The following ADARB2 variants were observed in gnomAD, a reference collection of about 807,000 sequenced individuals.
The protein encoded by ADARB2 is adenosine deaminase RNA specific B2 (inactive).
Under a neutral mutation model 62.2 loss-of-function variants are expected in ADARB2, and 25 were observed. That is an observed-to-expected ratio of 0.40 (90% CI 0.29 to 0.56). The LOEUF is 0.56. ADARB2 is among the 20% of genes least tolerant of loss of function. ADARB2 has a pLI of 0.43. For synonymous variants in ADARB2, 572 were observed against 500.8 expected (o/e 1.14, Z -1.90); for missense variants, 1,071 against 1,077.4 (o/e 0.99, Z 0.08).
chr10:1,270,862 A>G, intron 4 of ADARB2, 93 bp downstream of exon 4: 4 of 1,082,406 alleles, frequency 3.7e-6, no homozygotes, highest in South Asian at 2.8e-5. Context: ...CCTGTTGTGG[A>G]AGAGAGAGCC....
chr10:1,362,751 AC>A (rs1005052060), intron 3 of ADARB2, among the ~76,000 whole-genome samples: 23 of 151,742 alleles, frequency 1.5e-4, no homozygotes, highest in Admixed American at 1.5e-3. Context: ...GGCACGGGGG[AC>A]CCGTCCCTCC....
intron 3 of ADARB2, among the ~76,000 whole-genome samples, chr10:1,360,272 C>G (rs1165646946): frequency 1.3e-5 from 2 of 152,208 alleles, no homozygotes; most frequent in Non-Finnish European, 2.9e-5. Context: ...GGTGGGCCTG[C>G]CCTTTTCCGA....
chr10:1,552,489 C>T (rs182159577), intron 1 of ADARB2, among the ~76,000 whole-genome samples: 268 of 152,344 alleles, frequency 1.8e-3, no homozygotes, highest in African/African-American at 6.2e-3. Context: ...CTCCAGAGAA[C>T]ATGGGCGGCT....
At chr10:1,191,509 C>T (rs7915993) in intron 8 of ADARB2, among the ~76,000 whole-genome samples, 27,522 of 152,144 alleles carry the variant, frequency 0.18, 2,917 homozygotes, top group East Asian at 0.3. Flanking sequence ...TGCTCCCAAG[C>T]GGCCTTGGGA....
intron 6 of ADARB2, among the ~76,000 whole-genome samples, chr10:1,231,243 C>T (rs748528875): frequency 6.6e-6 from 1 of 152,204 alleles, no homozygotes; most frequent in African/African-American, 2.4e-5. Context: ...CTTTTCCTCT[C>T]AATTCTGAGG....
intron 2 of ADARB2, among the ~76,000 whole-genome samples, chr10:1,375,889 AC>A (rs963825367): frequency 2.0e-5 from 3 of 147,676 alleles, no homozygotes; most frequent in African/African-American, 7.6e-5. Flanking sequence ...GAACTCCCAC[AC>A]CACACACGTG....
At chr10:1,520,640 C>T (rs1588286000) in intron 1 of ADARB2, among the ~76,000 whole-genome samples, 1 of 152,188 alleles carries the variant, frequency 6.6e-6, no homozygotes, top group African/African-American at 2.4e-5. Flanking sequence ...GTGGCAAGAA[C>T]CACATTGCTT....
At chr10:1,306,480 C>T (rs1196301244) in intron 3 of ADARB2, among the ~76,000 whole-genome samples, 2 of 151,982 alleles carry the variant, frequency 1.3e-5, no homozygotes, top group African/African-American at 4.8e-5. Context: ...AATGGCCATA[C>T]TGCCCAAGGT....
At chr10:1,349,444 A>T (rs543922531) in intron 3 of ADARB2, among the ~76,000 whole-genome samples, 1 of 152,326 alleles carries the variant, frequency 6.6e-6, no homozygotes, top group East Asian at 1.9e-4. Flanking sequence ...GACTCAGATC[A>T]GGGGACCTCC....
chr10:1,511,000 A>G (rs1156838165), intron 1 of ADARB2, among the ~76,000 whole-genome samples: 1 of 152,114 alleles, frequency 6.6e-6, no homozygotes, highest in South Asian at 2.1e-4. Flanking sequence ...CTATAGGTGC[A>G]TGCTACCATG....
chr10:1,611,465 TCTCC>T (rs1833571990), intron 1 of ADARB2, among the ~76,000 whole-genome samples: 1 of 152,130 alleles, frequency 6.6e-6, no homozygotes, highest in Non-Finnish European at 1.5e-5. Flanking sequence ...TAATTGATTT[TCTCC>T]CTCTTGCTGC....
At chr10:1,411,370 A>C (rs1832758351) in intron 1 of ADARB2, among the ~76,000 whole-genome samples, 1 of 152,208 alleles carries the variant, frequency 6.6e-6, no homozygotes, top group Non-Finnish European at 1.5e-5. Context: ...CCACCAGCCC[A>C]GGGCGGGACC....
At chr10:1,395,631 T>A (rs1437743705) in intron 1 of ADARB2, among the ~76,000 whole-genome samples, 1 of 152,214 alleles carries the variant, frequency 6.6e-6, no homozygotes, top group Non-Finnish European at 1.5e-5. Flanking sequence ...GAGACTCTTC[T>A]GAGTGCTGGA....
At chr10:1,335,889 C>T (rs928817216) in intron 3 of ADARB2, among the ~76,000 whole-genome samples, 4 of 152,196 alleles carry the variant, frequency 2.6e-5, no homozygotes, top group Non-Finnish European at 4.4e-5. Context: ...CTGCAATCCC[C>T]GTGTCTTCAC....
intron 3 of ADARB2, among the ~76,000 whole-genome samples, chr10:1,306,809 C>G (rs930470503): frequency 6.6e-6 from 1 of 151,354 alleles, no homozygotes; most frequent in Non-Finnish European, 1.5e-5. Context: ...TTTGACAAAC[C>G]TGACAAAAAC....
intron 1 of ADARB2, among the ~76,000 whole-genome samples, chr10:1,605,161 T>A (rs996160750): frequency 3.9e-5 from 6 of 152,218 alleles, no homozygotes; most frequent in Middle Eastern, 3.2e-3. Context: ...GCAGAATCCA[T>A]GGTTCAGGTG....
chr10:1,515,632 T>G (rs1286653705), intron 1 of ADARB2, among the ~76,000 whole-genome samples: 1 of 152,218 alleles, frequency 6.6e-6, no homozygotes, highest in Non-Finnish European at 1.5e-5. Context: ...GTCCCCACAG[T>G]GAGAGGGTGG....
At chr10:1,344,919 C>G (rs1455332712) in intron 3 of ADARB2, among the ~76,000 whole-genome samples, 3 of 152,206 alleles carry the variant, frequency 2.0e-5, no homozygotes, top group Non-Finnish European at 4.4e-5. Flanking sequence ...TGTTTCCGAG[C>G]TCCGTGCATA....
chr10:1,550,957 A>T (rs1280317891), intron 1 of ADARB2, among the ~76,000 whole-genome samples: 1 of 152,158 alleles, frequency 6.6e-6, no homozygotes, highest in Admixed American at 6.5e-5. Context: ...ACGGCAGAAA[A>T]GGGGCTGTTC....
Sources: allele counts gnomAD v4.1 joint callset (sites outside exome capture counted in the v4.1 genomes callset), GRCh38; gene constraint gnomAD v4.1.1; transcripts MANE v1.5; gene names NCBI Gene and HGNC (gene_info 2026-07-23, HGNC 2026-07-21).